ILKAP: variants seen among roughly 807,000 people sequenced by gnomAD.
ILKAP encodes the protein integrin-linked kinase-associated serine/threonine phosphatase 2C.
Under a neutral mutation model 49.1 loss-of-function variants are expected in ILKAP, and 11 were observed. The ratio of observed to expected loss-of-function variants is 0.22; its 90% CI spans 0.14 to 0.37. ILKAP has a LOEUF of 0.37. Ranked by LOEUF, ILKAP falls within the 10% of genes least tolerant of loss-of-function variation. The pLI is 1.00. For missense variants in ILKAP, 363 were observed against 510.8 expected (o/e 0.71, Z 2.79); for synonymous variants, 186 against 192.8 (o/e 0.96, Z 0.29).
chr2:238,170,631 G>A lies in ILKAP; in HGVS notation c.1084C>T (p.Arg362Cys), dbSNP rs1273069652. The A allele has an allele frequency of 6.9e-6, 11 of 1,603,026 alleles. No individual in the cohort carries two copies. Among genetic ancestry groups the A allele is most frequent in the East Asian group, 2.2e-5 (1 of 44,586 alleles). ...AGCCTGTTGCAGGCTGCTTCGTAGC[G>A]GGCGTCGGCTGCGGACTTCCCTTCC... is the stretch of plus-strand genomic sequence containing the variant. ...TREGKSAADA[R>C]YEAACNRLAN... The change falls in exon 12 of 12, where the codon CGC becomes TGC. Residue 362 changes from arginine to cysteine, a missense_variant. Arg to Cys is a radical substitution (Grantham distance 180). This residue lies in a region of ILKAP where 83 missense variants were observed against 87.5 expected (regional missense o/e 0.95). Coordinates refer to ENST00000254654, the MANE Select transcript of ILKAP (RefSeq NM_030768.3).
intron 3 of ILKAP, among the ~76,000 whole-genome samples, chr2:238,192,811 G>A (rs1000326154): frequency 2.0e-5 from 3 of 151,942 alleles, no homozygotes; most frequent in Non-Finnish European, 2.9e-5. Context: ...TCAGGAGTTC[G>A]AGACCAGCCT....
At chr2:238,183,894 A>G in intron 7 of ILKAP, 126 bp downstream of exon 7, 1 of 947,318 alleles carries the variant, frequency 1.1e-6, no homozygotes, top group South Asian at 1.5e-5. Flanking sequence ...TAACGGTTAT[A>G]AAAGCTGAGT....
At chr2:238,170,814 C>CA in intron 11 of ILKAP, 129 bp downstream of exon 11, 4 of 1,451,234 alleles carry the variant, frequency 2.8e-6, no homozygotes, top group Non-Finnish European at 3.9e-6. Context: ...AGTCAGTAGG[C>CA]AGAGTTCACA....
chr2:238,182,145 T>C lies in ILKAP; in HGVS notation c.756A>G (p.Ala252=), dbSNP rs765063247. The change falls in exon 9 of 12, where the codon GCA becomes GCG. Residue 252 remains alanine (A), a synonymous_variant. Transcript: ENST00000254654. ...CRYNEESQKH[A]ALSLSKEHNP... ...TATGCTCTTTGCTGAGGCTTAAGGC[T>C]GCATGTTTTTGACTCTCCTCATTAT... 1 of 1,613,980 alleles carries C rather than the reference T, an allele frequency of 6.2e-7. No homozygotes were observed. The highest frequency in any genetic ancestry group is 2.2e-5 in the East Asian group (1 of 44,878).
At chr2:238,181,113 T>C (rs1015527290) in intron 9 of ILKAP, among the ~76,000 whole-genome samples, 1 of 152,194 alleles carries the variant, frequency 6.6e-6, no homozygotes, top group African/African-American at 2.4e-5. Context: ...GGGTTCCAAC[T>C]ACTCTCCAGA....
At chr2:238,176,529 A>G (rs755298278) in intron 9 of ILKAP, among the ~76,000 whole-genome samples, 1 of 152,048 alleles carries the variant, frequency 6.6e-6, no homozygotes, top group Non-Finnish European at 1.5e-5. Flanking sequence ...CACACTTCCA[A>G]CTTTTGCTTT....
intron 3 of ILKAP, among the ~76,000 whole-genome samples, chr2:238,192,931 T>C (rs2106339026): frequency 6.6e-6 from 1 of 151,894 alleles, no homozygotes; most frequent in East Asian, 2.0e-4. Flanking sequence ...GAGAATCGCT[T>C]AAACCCGGGA....
intron 1 of ILKAP, among the ~76,000 whole-genome samples, chr2:238,200,383 G>A (rs984797675): frequency 5.3e-5 from 8 of 152,156 alleles, no homozygotes; most frequent in African/African-American, 1.7e-4. Flanking sequence ...AACATTAGAT[G>A]CAACGTTTAA....
intron 3 of ILKAP, among the ~76,000 whole-genome samples, chr2:238,192,340 TC>T (rs1694166481): frequency 6.6e-6 from 1 of 152,126 alleles, no homozygotes; most frequent in Non-Finnish European, 1.5e-5. Context: ...AAGAAACAGA[TC>T]ATTGAGGCTT....
intron 10 of ILKAP, 131 bp from the exon 11 acceptor site, chr2:238,171,155 T>C (rs1030340855): frequency 3.3e-6 from 2 of 607,410 alleles, no homozygotes; most frequent in Admixed American, 3.4e-5. Flanking sequence ...TTTTTTTTCT[T>C]TTTTCTTTTT....
chr2:238,172,515 A>G (rs1184277605), intron 10 of ILKAP, among the ~76,000 whole-genome samples: 1 of 152,192 alleles, frequency 6.6e-6, no homozygotes, highest in Non-Finnish European at 1.5e-5. Context: ...ACTACAACCC[A>G]GGAAGGCGAG....
In ILKAP at chr2:238,192,470, C is replaced by T. The variant is rs570827574; in HGVS notation, c.178+1805G>A. On this transcript the variant is annotated intron_variant, in intron 3 of 11. Transcript: ENST00000254654. The stretch of plus-strand genomic sequence containing the variant: ...ATCCCAGCACTTTGGGAGGCCGAGG[C>T]AGGCGGATCACGAAGTCAGGAGATG... Among the ~76,000 whole-genome samples, 3 of 152,156 alleles carry T rather than the reference C, an allele frequency of 2.0e-5. No individual in the cohort carries two copies. In the South Asian group the frequency reaches 6.2e-4, roughly 32 times the overall value.
chr2:238,188,686 ATG>A (rs2106335988), intron 4 of ILKAP: 1 of 154,758 alleles, frequency 6.5e-6, no homozygotes, highest in East Asian at 1.9e-4. Context: ...CCCTGAAAAT[ATG>A]TATTTCCATG....
chr2:238,183,977 C>CCA (rs3217566), intron 7 of ILKAP, 43 bp downstream of exon 7: 18 of 1,224,410 alleles, frequency 1.5e-5, no homozygotes, highest in Non-Finnish European at 2.1e-5. Context: ...TAGGAAAACA[C>CCA]CACACACAGT....
At chr2:238,189,756 T>A in intron 4 of ILKAP, 97 bp downstream of exon 4, 1 of 1,178,106 alleles carries the variant, frequency 8.5e-7, no homozygotes, top group Non-Finnish European at 1.2e-6. Context: ...AATACAGACA[T>A]AAAAAGAAAG....
intron 5 of ILKAP, among the ~76,000 whole-genome samples, chr2:238,187,453 T>TAATATATTATTA (rs71043113): frequency 6.6e-6 from 1 of 151,894 alleles, no homozygotes; most frequent in Non-Finnish European, 1.5e-5. Context: ...GTAACCTATG[T>TAATATATTATTA]AATATGTACT....
chr2:238,188,782 A>G (rs10929269), intron 4 of ILKAP, among the ~76,000 whole-genome samples: 25,310 of 152,158 alleles, frequency 0.17, 2,436 homozygotes, highest in East Asian at 0.36. Flanking sequence ...AAAGATTCCA[A>G]TGCAGGCAGA....
intron 9 of ILKAP, among the ~76,000 whole-genome samples, chr2:238,178,204 CAG>C (rs1001712723): frequency 2.0e-5 from 3 of 152,162 alleles, no homozygotes; most frequent in African/African-American, 7.2e-5. Flanking sequence ...TTTTTTGAGA[CAG>C]GGTCTCACTC....
rs557186576 is a variant in ILKAP, at chr2:238,198,913, C to T, written c.56-4043G>A. ...CAATTTTTTCAACTATAAAATAAAT[C>T]CAGGTGTTTTCCAAACACCACAGAG... is the stretch of plus-strand genomic sequence containing the variant. On this transcript the variant is annotated intron_variant, in intron 1 of 11. Coordinates refer to ENST00000254654, the MANE Select transcript of ILKAP (RefSeq NM_030768.3). 2.6e-5 allele frequency among the ~76,000 whole-genome samples: 4 copies of T among 152,204 alleles called. No homozygotes were observed. In the South Asian group the frequency reaches 8.3e-4, roughly 32 times the overall value.
Sources: allele counts gnomAD v4.1 joint callset (sites outside exome capture counted in the v4.1 genomes callset), GRCh38; gene constraint gnomAD v4.1.1; regional missense constraint gnomAD v4.1.1; transcripts MANE v1.5; gene names NCBI Gene and HGNC (gene_info 2026-07-23, HGNC 2026-07-21).